HDAC10: variants seen among roughly 807,000 people sequenced by gnomAD.
HDAC10 encodes the protein histone deacetylase 10.
In HDAC10, 90 loss-of-function variants were observed where a neutral mutation model predicts 82.3. That is an observed-to-expected ratio of 1.09 (90% confidence interval 0.92 to 1.30). The LOEUF is 1.30. Among genes scored for constraint, HDAC10 ranks in the 50% most tolerant of loss-of-function variants. The probability of loss-of-function intolerance (pLI) is 0.00; values close to 1 mark genes in which losing one functional copy is unlikely to be tolerated. For missense variants in HDAC10, 934 were observed against 876.3 expected (o/e 1.07, Z -0.83); for synonymous variants, 456 against 391.7 (o/e 1.16, Z -1.94).
At chr22:50,246,228 C>T in intron 17 of HDAC10, 70 bp downstream of exon 17, 2 of 1,513,614 alleles carry the variant, frequency 1.3e-6, no homozygotes, top group Non-Finnish European at 1.8e-6. Context: ...ATGACAATGC[C>T]AGCAAACAGC....
chr22:50,249,016 A>G lies in HDAC10; in HGVS notation c.756+87T>C, dbSNP rs944376320. 2 of 1,440,648 alleles carry G rather than the reference A, an allele frequency of 1.4e-6. No homozygotes were observed. Among genetic ancestry groups the G allele is most frequent in the Non-Finnish European group, 1.9e-6 (2 of 1,045,228 alleles). 89.2% of individuals were successfully genotyped at this position (1,440,648 alleles called of 1,614,324 possible). ...GCCACACAGGAGTGGGACAGCTCAT[A>G]ACCCTCCTCCTGCCTTCACTGGCGC... On this transcript the variant is annotated intron_variant, in intron 8 of 19. Coordinates refer to ENST00000216271, the MANE Select transcript of HDAC10 (RefSeq NM_032019.6). This position sits in a 1 kb window ranked among gnomAD's most constrained non-coding sequence, Gnocchi z 4.4.
Position 50,251,156 on chromosome 22 carries a change from C to T in HDAC10, c.-124G>A. The T allele has an allele frequency of 9.9e-7, 1 of 1,014,092 alleles. No homozygotes were observed. The highest frequency in any genetic ancestry group is 1.6e-5 in the African/African-American group (1 of 61,802). 62.8% of individuals were successfully genotyped at this position (1,014,092 alleles called of 1,614,324 possible). ...ACCTGCCTGGGGCGCAGGCGGGCGGCGGGCACCGGCCTGGGCGGGAGCGCA... is the reference window on the plus strand; with the variant it reads ...ACCTGCCTGGGGCGCAGGCGGGCGGTGGGCACCGGCCTGGGCGGGAGCGCA... On this transcript the variant is annotated 5_prime_UTR_variant, in exon 1 of 20. Coordinates refer to ENST00000216271, the MANE Select transcript of HDAC10 (RefSeq NM_032019.6).
At position 50,245,238 on chromosome 22, in the gene HDAC10, G is replaced by A; in HGVS notation, c.*269C>T. 1 of 576,112 alleles carries A rather than the reference G, an allele frequency of 1.7e-6. No individual in the cohort carries two copies. The highest frequency in any genetic ancestry group is 3.1e-6 in the Non-Finnish European group (1 of 326,128). 35.7% of individuals were successfully genotyped at this position (576,112 alleles called of 1,614,324 possible). On this transcript the variant is annotated 3_prime_UTR_variant, in exon 20 of 20. Transcript: ENST00000216271. ...AAGGGCGGGGAGCGAAGCGCAGCGG[G>A]GCGCAGGGGCCGGAACGGGACCGAG...
Position 50,249,455 on chromosome 22 carries a change from C to A in HDAC10, c.564-1G>T. 6.2e-7 allele frequency: 1 copy of A among 1,612,580 alleles called. No homozygotes were observed. The highest frequency in any genetic ancestry group is 8.5e-7 in the Non-Finnish European group (1 of 1,179,868). The stretch of plus-strand genomic sequence containing the variant: ...GCGGTGCCAGGAGAAGTAAAGGACG[C>A]TGCCAACAGCCAGCCAGGGCCAGAG... On this transcript the variant is annotated splice_acceptor_variant, in intron 6 of 19. Coordinates refer to ENST00000216271, the MANE Select transcript of HDAC10 (RefSeq NM_032019.6). LOFTEE classifies it high-confidence loss of function. This position sits in a 1 kb window ranked among gnomAD's most constrained non-coding sequence, Gnocchi z 4.4.
rs546365174 is a variant in HDAC10, at chr22:50,248,557, C to G, written c.907-85G>C. ...GGAGAGCCCCTGCCTGGCTCTATCC[C>G]GGGCAGGACGCCCCTCCCAAATACC... On this transcript the variant is annotated intron_variant, in intron 10 of 19. Coordinates refer to ENST00000216271, the MANE Select transcript of HDAC10 (RefSeq NM_032019.6). This position sits in a 1 kb window ranked among gnomAD's most constrained non-coding sequence, Gnocchi z 5.4. The G allele has an allele frequency of 6.7e-7, 1 of 1,488,612 alleles. No individual in the cohort carries two copies. Among genetic ancestry groups the G allele is most frequent in the Admixed American group, 2.0e-5 (1 of 49,544 alleles). 92.2% of individuals were successfully genotyped at this position (1,488,612 alleles called of 1,614,324 possible).
rs369323956 is a variant in HDAC10, at chr22:50,248,393, A to T, written c.986T>A (p.Leu329Gln). The T allele has an allele frequency of 9.3e-6, 15 of 1,607,748 alleles. No individual in the cohort carries two copies. Among genetic ancestry groups the T allele is most frequent in the Non-Finnish European group, 1.2e-5 (14 of 1,178,300 alleles). The change falls in exon 11 of 20, where the codon CTG becomes CAG. Residue 329 changes from leucine to glutamine, a missense_variant. By Grantham distance (113) the Leu-to-Gln change is moderately radical. Coordinates refer to ENST00000216271, the MANE Select transcript of HDAC10 (RefSeq NM_032019.6). This position sits in a 1 kb window ranked among gnomAD's most constrained non-coding sequence, Gnocchi z 5.4. The stretch of plus-strand genomic sequence containing the variant: ...CTGACATGGCGCCATTGGCCCTGAC[A>T]GGGGTGGGGCCGGGTCACCCAGCAG... Reference protein sequence around the residue: ...QTLLGDPAPPLSGPMAPCQSA... With the variant: ...QTLLGDPAPPQSGPMAPCQSA...
chr22:50,250,718 C>T, intron 2 of HDAC10, 53 bp downstream of exon 2: 2 of 1,498,900 alleles, frequency 1.3e-6, no homozygotes, highest in Non-Finnish European at 1.8e-6. Flanking sequence ...TCTTAGGTTT[C>T]TAGCTGGGCT....
intron 14 of HDAC10, 159 bp downstream of exon 14, chr22:50,247,532 CT>C (rs1237031169): frequency 7.0e-6 from 4 of 571,342 alleles, no homozygotes; most frequent in Admixed American, 3.3e-5. Context: ...ATCCCCACCC[CT>C]GGGGCTGTTC....
chr22:50,250,906 C>A lies in HDAC10; in HGVS notation c.60-1G>T. On this transcript the variant is annotated splice_acceptor_variant, in intron 1 of 19. Transcript: ENST00000216271. LOFTEE classifies it high-confidence loss of function. ...AGGACGCTCGATCTCGCACTCGGGG[C>A]TGGGGCAGATGAGGAGCTCAGTTCA... The A allele has an allele frequency of 1.9e-6, 3 of 1,604,132 alleles. No homozygotes were observed. Among genetic ancestry groups the A allele is most frequent in the Non-Finnish European group, 2.6e-6 (3 of 1,175,368 alleles).
chr22:50,251,261 C>A lies in HDAC10; in HGVS notation c.-229G>T, dbSNP rs2065084730. The A allele has an allele frequency of 2.1e-5, 10 of 470,162 alleles. No individual in the cohort carries two copies. Among genetic ancestry groups the A allele is most frequent in the Non-Finnish European group, 3.8e-5 (10 of 266,218 alleles). 29.1% of individuals were successfully genotyped at this position (470,162 alleles called of 1,614,324 possible). A position where few individuals can be genotyped will look rare whatever the true frequency, so the allele number is the denominator to read the frequency against. ...TGCAGTCGAAGGGGGAGGCTCCCCG[C>A]GCCTGGCTTCCGGCTTCCTCGCCTC... On this transcript the variant is annotated 5_prime_UTR_variant, in exon 1 of 20. Coordinates refer to ENST00000216271, the MANE Select transcript of HDAC10 (RefSeq NM_032019.6).
In HDAC10 at chr22:50,249,476, C is replaced by G; in HGVS notation, c.564-22G>C. On this transcript the variant is annotated intron_variant, in intron 6 of 19. Coordinates refer to ENST00000216271, the MANE Select transcript of HDAC10 (RefSeq NM_032019.6). The surrounding 1 kb of genome is among the most constrained non-coding windows in gnomAD (Gnocchi z 4.4). ...GACGCTGCCAACAGCCAGCCAGGGC[C>G]AGAGGTCAAAGGTCAGGACCCTCAA... is the stretch of plus-strand genomic sequence containing the variant. 1 of 1,612,286 alleles carries G rather than the reference C, an allele frequency of 6.2e-7. No homozygotes were observed. The highest frequency in any genetic ancestry group is 8.5e-7 in the Non-Finnish European group (1 of 1,179,708).
chr22:50,251,034 G>C lies in HDAC10; in HGVS notation c.-2C>G, dbSNP rs376436765. 6.2e-7 allele frequency: 1 copy of C among 1,609,232 alleles called. No homozygotes were observed. The highest frequency in any genetic ancestry group is 8.5e-7 in the Non-Finnish European group (1 of 1,177,464). On this transcript the variant is annotated 5_prime_UTR_variant, in exon 1 of 20. Transcript: ENST00000216271. ...ATGGTACACAAGCGCGGTCCCCATG[G>C]CTGCGCCGTGGTCACCCTGGGTTCC...
intron 3 of HDAC10, 24 bp downstream of exon 3, chr22:50,250,403 G>A (rs745532292): frequency 3.1e-6 from 5 of 1,604,996 alleles, no homozygotes. Flanking sequence ...GTCTGCACAG[G>A]TGAGTGTGTC....
chr22:50,246,994 GAGGCACCAACCAAC>G, intron 14 of HDAC10, 28 bp from the exon 15 acceptor site: 1 of 1,493,240 alleles, frequency 6.7e-7, no homozygotes, highest in African/African-American at 1.4e-5. Flanking sequence ...AGTGGAGAAT[GAGGCACCAACCAAC>G]TCCCAAGCCA....
rs748327664 is a variant in HDAC10 at position 50,249,958 on chromosome 22, G to A, written c.396C>T (p.Pro132=). The A allele has an allele frequency of 3.5e-5, 56 of 1,612,412 alleles. No individual in the cohort carries two copies. The highest frequency in any genetic ancestry group is 6.7e-5 in the African/African-American group (5 of 74,890). ...CAGCCGCCCTCTGGCCATGGTGCCC[G>A]GGAGGCCTACGGCGTGAGAGTAGGA... ...VQNGLALVRP[P]GHHGQRAAAN... is the part of the protein sequence containing the mutation. Residue 132 remains proline (P), a synonymous_variant, in exon 5 of 20, where the codon CCC becomes CCT. Coordinates refer to ENST00000216271, the MANE Select transcript of HDAC10 (RefSeq NM_032019.6). The surrounding 1 kb of genome is among the most constrained non-coding windows in gnomAD (Gnocchi z 4.4).
At chr22:50,250,617 C>T in intron 2 of HDAC10, 94 bp from the exon 3 acceptor site, 1 of 1,320,536 alleles carries the variant, frequency 7.6e-7, no homozygotes, top group Non-Finnish European at 1.1e-6. Context: ...GGAGTGGCCA[C>T]CCTGTCACTT....
chr22:50,251,096 C>T lies in HDAC10; in HGVS notation c.-64G>A, dbSNP rs2147248341. 4 of 1,519,086 alleles carry T rather than the reference C, an allele frequency of 2.6e-6. No individual in the cohort carries two copies. In the East Asian group the frequency reaches 9.8e-5, roughly 37 times the overall value. The allele number at this position is 1,519,086 out of a possible 1,614,324, so 94.1% of individuals were successfully genotyped here. A position where few individuals can be genotyped will look rare whatever the true frequency, so the allele number is the denominator to read the frequency against. On this transcript the variant is annotated 5_prime_UTR_variant, in exon 1 of 20. Coordinates refer to ENST00000216271, the MANE Select transcript of HDAC10 (RefSeq NM_032019.6). Reference sequence around the variant, plus strand: ...GCTAGTGGTGCCTGCCACTGCCTGTCCCCACCTTCGGCCGGGAGCAGCCGG... The same window carrying T: ...GCTAGTGGTGCCTGCCACTGCCTGTTCCCACCTTCGGCCGGGAGCAGCCGG...
chr22:50,249,296 TGGGTGGGGACCTGGGGCTTGA>T lies in HDAC10; in HGVS notation c.690+11_690+31del. ...GGGGAGGGGCCCAGGGGGAGGGGGCTGGGTGGGGACCTGGGGCTTGAGGGTGGGCACCTGGTTCCAGGGCAG... is the reference window on the plus strand; with the variant it reads ...GGGGAGGGGCCCAGGGGGAGGGGGCTGGGTGGGCACCTGGTTCCAGGGCAG... On this transcript the variant is annotated intron_variant, in intron 7 of 19. Transcript: ENST00000216271. This position sits in a 1 kb window ranked among gnomAD's most constrained non-coding sequence, Gnocchi z 4.4. The T allele has an allele frequency of 1.3e-6, 1 of 753,314 alleles. No individual in the cohort carries two copies. The highest frequency in any genetic ancestry group is 1.7e-5 in the South Asian group (1 of 58,362). 46.7% of individuals were successfully genotyped at this position (753,314 alleles called of 1,614,324 possible).
intron 2 of HDAC10, 51 bp downstream of exon 2, chr22:50,250,720 A>AGCTGG: frequency 6.7e-7 from 1 of 1,502,380 alleles, no homozygotes; most frequent in Non-Finnish European, 8.9e-7. Flanking sequence ...TTAGGTTTCT[A>AGCTGG]GCTGGGCTGC....
Sources: allele counts gnomAD v4.1 joint callset, GRCh38; gene constraint gnomAD v4.1.1; non-coding constraint Gnocchi (gnomAD v3.1); transcripts MANE v1.5; gene names NCBI Gene and HGNC (gene_info 2026-07-23, HGNC 2026-07-21).